FRMD3: variants seen among roughly 807,000 people sequenced by gnomAD.
The protein encoded by FRMD3 is FERM domain-containing protein 3.
FRMD3 carries 33 observed loss-of-function variants against 70.2 expected under a neutral mutation model. The ratio of observed to expected loss-of-function variants is 0.47; its 90% CI spans 0.36 to 0.63. FRMD3 has a LOEUF of 0.63. Ranked by LOEUF, FRMD3 falls within the 20% of genes least tolerant of loss-of-function variation. The probability of loss-of-function intolerance (pLI) is 0.00; values close to 1 mark genes in which losing one functional copy is unlikely to be tolerated. For missense variants in FRMD3, 632 were observed against 711.4 expected, an observed-to-expected ratio of 0.89 and a Z score of 1.27; for synonymous variants, 279 against 255.9, an observed-to-expected ratio of 1.09 and a Z score of -0.86.
chr9:83,267,798 T>C (rs952907587), intron 13 of FRMD3, among the ~76,000 whole-genome samples: 1 of 152,236 alleles, frequency 6.6e-6, no homozygotes, highest in Non-Finnish European at 1.5e-5. Flanking sequence ...AATTAGTGTG[T>C]GTTGCACACT....
At chr9:83,415,788 A>G (rs1035416250) in intron 1 of FRMD3, among the ~76,000 whole-genome samples, 2 of 151,770 alleles carry the variant, frequency 1.3e-5, no homozygotes, top group African/African-American at 4.8e-5. Context: ...GAGACATTAT[A>G]TTAGCCTTTT....
chr9:83,376,716 C>G (rs943226322), intron 2 of FRMD3, among the ~76,000 whole-genome samples: 1 of 151,272 alleles, frequency 6.6e-6, no homozygotes, highest in Non-Finnish European at 1.5e-5. Flanking sequence ...GCTAGGATTA[C>G]AGGCATGAGC....
chr9:83,323,783 G>A (rs925549701), intron 6 of FRMD3, among the ~76,000 whole-genome samples: 6 of 152,158 alleles, frequency 3.9e-5, no homozygotes, highest in African/African-American at 1.4e-4. Flanking sequence ...TATTTCTATG[G>A]CTTTCAAAAA....
chr9:83,283,417 G>T (rs1834049386), intron 13 of FRMD3, among the ~76,000 whole-genome samples: 1 of 151,836 alleles, frequency 6.6e-6, no homozygotes, highest in African/African-American at 2.4e-5. Flanking sequence ...TGTAATCCCA[G>T]CTACTCAGGA....
At chr9:83,568,532 C>T in the FRMD3 span, among the ~76,000 whole-genome samples, 1 of 151,944 alleles carries the variant, frequency 6.6e-6, no homozygotes, top group Non-Finnish European at 1.5e-5. Flanking sequence ...GTGAAATATG[C>T]CAGGCACAGA....
rs141937491 is a variant in FRMD3 at position 83,503,123 on chromosome 9, C to T, written c.147+34962G>A. ...CCTTAATGATGTCCTGCCCTAACCCCCAGAACCTATCAACATGACGACAGA... is the reference window on the plus strand; with the variant it reads ...CCTTAATGATGTCCTGCCCTAACCCTCAGAACCTATCAACATGACGACAGA... On this transcript the variant is annotated intron_variant, in intron 1 of 13. Transcript: ENST00000304195. 1.6e-3 allele frequency among the ~76,000 whole-genome samples: 242 copies of T among 152,246 alleles called. 1 individual carries two copies. Among genetic ancestry groups the T allele is most frequent in the African/African-American group, 5.6e-3 (234 of 41,526 alleles).
intron 1 of FRMD3, among the ~76,000 whole-genome samples, chr9:83,421,167 C>G (rs945291738): frequency 5.3e-5 from 8 of 151,412 alleles, no homozygotes; most frequent in Non-Finnish European, 8.9e-5. Flanking sequence ...GTCTCGATCT[C>G]CTGACCTCAT....
chr9:83,427,938 C>T (rs1043924660), intron 1 of FRMD3, among the ~76,000 whole-genome samples: 3 of 152,206 alleles, frequency 2.0e-5, no homozygotes, highest in Non-Finnish European at 4.4e-5. Flanking sequence ...GCGTCCTACA[C>T]TGCTAACAGG....
chr9:83,581,918 A>G, the FRMD3 span, among the ~76,000 whole-genome samples: 1 of 152,184 alleles, frequency 6.6e-6, no homozygotes, highest in Non-Finnish European at 1.5e-5. Context: ...TGATGGGTAC[A>G]TGGTTTCATG....
At chr9:83,286,893 A>G (rs1300288109) in intron 13 of FRMD3, among the ~76,000 whole-genome samples, 2 of 152,168 alleles carry the variant, frequency 1.3e-5, no homozygotes, top group East Asian at 3.9e-4. Context: ...TCCCTGTGTG[A>G]TGCTGACACA....
At chr9:83,370,977 G>A (rs4297106) in intron 3 of FRMD3, among the ~76,000 whole-genome samples, 110,082 of 152,068 alleles carry the variant, frequency 0.72, 40,132 homozygotes, top group African/African-American at 0.76. Context: ...GCTCTTAAAC[G>A]CTAAATTTCT....
chr9:83,290,849 T>A, intron 12 of FRMD3, 122 bp from the exon 13 acceptor site: 2 of 1,001,630 alleles, frequency 2.0e-6, no homozygotes, highest in South Asian at 1.6e-5. Context: ...ACACAGTGAA[T>A]TGAGCCAGTA....
intron 6 of FRMD3, among the ~76,000 whole-genome samples, chr9:83,328,230 A>T (rs1386845212): frequency 6.6e-6 from 1 of 152,098 alleles, no homozygotes; most frequent in Non-Finnish European, 1.5e-5. Context: ...GGAGAAGGTA[A>T]GTTGGCAGAG....
At chr9:83,568,232 A>G in the FRMD3 span, among the ~76,000 whole-genome samples, 1 of 152,176 alleles carries the variant, frequency 6.6e-6, no homozygotes. Flanking sequence ...CAGGGGAAAG[A>G]TTGGCACCCA....
intron 1 of FRMD3, among the ~76,000 whole-genome samples, chr9:83,526,624 T>G (rs1189596544): frequency 6.6e-6 from 1 of 152,220 alleles, no homozygotes; most frequent in Non-Finnish European, 1.5e-5. Context: ...TGCATTTACC[T>G]GTCTCTACAT....
intron 1 of FRMD3, among the ~76,000 whole-genome samples, chr9:83,458,933 C>T (rs185423207): frequency 6.6e-6 from 1 of 152,300 alleles, no homozygotes; most frequent in Admixed American, 6.5e-5. Flanking sequence ...GAATTAATTA[C>T]TCATTTGCTT....
At chr9:83,292,045 T>C (rs1340518999) in intron 12 of FRMD3, among the ~76,000 whole-genome samples, 2 of 152,208 alleles carry the variant, frequency 1.3e-5, no homozygotes, top group Non-Finnish European at 2.9e-5. Flanking sequence ...GCAGCTGATA[T>C]ATACAAATTG....
chr9:83,244,654 T>G lies in FRMD3; in HGVS notation c.*3264A>C. 1 of 985,124 alleles carries G rather than the reference T, an allele frequency of 1.0e-6. No homozygotes were observed. Among genetic ancestry groups the G allele is most frequent in the Non-Finnish European group, 1.2e-6 (1 of 829,644 alleles). 61.0% of individuals were successfully genotyped at this position (985,124 alleles called of 1,614,324 possible). ...CCAGAGTATTTTTATTAGGGATTCC[T>G]GCCACCATATTAACATATAAAACAA... is the stretch of plus-strand genomic sequence containing the variant. On this transcript the variant is annotated 3_prime_UTR_variant, in exon 14 of 14. Coordinates refer to ENST00000304195, the MANE Select transcript of FRMD3 (RefSeq NM_174938.6).
intron 1 of FRMD3, among the ~76,000 whole-genome samples, chr9:83,404,061 T>TAC (rs1826029155): frequency 8.7e-6 from 1 of 114,670 alleles, no homozygotes. Context: ...AATTCCTGCA[T>TAC]ACACACGCAC....
Sources: allele counts gnomAD v4.1 joint callset (sites outside exome capture counted in the v4.1 genomes callset), GRCh38; gene constraint gnomAD v4.1.1; transcripts MANE v1.5; gene names NCBI Gene and HGNC (gene_info 2026-07-23, HGNC 2026-07-21).